The following GCLC variants were observed in gnomAD, a reference collection of about 807,000 sequenced individuals.
GCLC encodes glutamate-cysteine ligase catalytic subunit, also known as glutamate--cysteine ligase catalytic subunit.
A neutral mutation model predicts 81.5 loss-of-function variants in GCLC; 30 were observed. The observed-to-expected ratio is 0.37, with a 90% confidence interval of 0.28 to 0.50. GCLC has a LOEUF of 0.50. Ranked by LOEUF, GCLC falls within the 20% of genes least tolerant of loss-of-function variation. GCLC has a pLI of 0.96. For synonymous variants in GCLC, 262 were observed against 273.3 expected, an observed-to-expected ratio of 0.96 and a Z score of 0.41; for missense variants, 556 against 777.4, an observed-to-expected ratio of 0.72 and a Z score of 3.39.
chr6:53,514,966 A>G (rs1266671574), intron 4 of GCLC, among the ~76,000 whole-genome samples: 2 of 152,200 alleles, frequency 1.3e-5, no homozygotes, highest in African/African-American at 2.4e-5. Flanking sequence ...TGTTTAGTCC[A>G]GAAGCTACCA....
At chr6:53,511,214 CT>C (rs1445454236) in intron 6 of GCLC, among the ~76,000 whole-genome samples, 1 of 140,690 alleles carries the variant, frequency 7.1e-6, no homozygotes, top group East Asian at 2.0e-4. Context: ...GGGGGGGGTG[CT>C]AAAGAGGATG....
At chr6:53,500,655 C>T (rs142056893) in intron 12 of GCLC, 142 bp from the exon 13 acceptor site, 4 of 707,168 alleles carry the variant, frequency 5.7e-6, no homozygotes, top group East Asian at 2.6e-5. Context: ...GTGGGAGGAA[C>T]AGGCTTTTTA....
chr6:53,525,674 T>G (rs544875947), intron 1 of GCLC, among the ~76,000 whole-genome samples: 1 of 152,298 alleles, frequency 6.6e-6, no homozygotes, highest in African/African-American at 2.4e-5. Flanking sequence ...ACTTTACACA[T>G]ATATACAACT....
At chr6:53,523,046 C>T (rs960110350) in intron 1 of GCLC, among the ~76,000 whole-genome samples, 6 of 152,182 alleles carry the variant, frequency 3.9e-5, no homozygotes, top group Non-Finnish European at 4.4e-5. Context: ...ATAAATATAC[C>T]GTGTGGAGAA....
chr6:53,520,159 C>T (rs959397226), intron 3 of GCLC, among the ~76,000 whole-genome samples: 5 of 152,128 alleles, frequency 3.3e-5, no homozygotes, highest in African/African-American at 9.7e-5. Flanking sequence ...TCATTCTAAG[C>T]GAAGAACATA....
intron 2 of GCLC, 92 bp downstream of exon 2, chr6:53,522,323 A>T: frequency 1.3e-6 from 1 of 797,214 alleles, no homozygotes; most frequent in Admixed American, 1.8e-5. Flanking sequence ...CTTAACTGTT[A>T]GGCTATCCTG....
At chr6:53,538,428 G>T (rs1417771575) in intron 1 of GCLC, among the ~76,000 whole-genome samples, 1 of 151,440 alleles carries the variant, frequency 6.6e-6, no homozygotes, top group Non-Finnish European at 1.5e-5. Context: ...CCGGGTTCAC[G>T]CCATTCTCCT....
At chr6:53,514,550 AAAG>A (rs1561942797) in intron 4 of GCLC, 53 bp from the exon 5 acceptor site, 1 of 1,289,884 alleles carries the variant, frequency 7.8e-7, no homozygotes, top group South Asian at 1.2e-5. Context: ...TCATCGTGTA[AAAG>A]AAGAATTTGA....
In GCLC at chr6:53,500,253, A is replaced by G. The variant is rs1764482015; in HGVS notation, c.1575T>C (p.Asn525=). ...TACAGGGCCACCCTCCTACCTTCCC[A>G]TTGATGATGGTGTCTATGCTCATGA... ...YTLMSIDTII[N]GKEGVFPGLI... Residue 525 remains asparagine, a synonymous_variant, in exon 14 of 16, where the codon AAT becomes AAC. Transcript: ENST00000650454. 6.2e-7 allele frequency: 1 copy of G among 1,613,690 alleles called. No individual in the cohort carries two copies. Among genetic ancestry groups the G allele is most frequent in the Non-Finnish European group, 8.5e-7 (1 of 1,179,638 alleles).
chr6:53,518,396 G>A (rs1049151906), intron 3 of GCLC, among the ~76,000 whole-genome samples: 7 of 152,010 alleles, frequency 4.6e-5, no homozygotes, highest in South Asian at 2.1e-4. Context: ...GATTACAGGC[G>A]CATGCCACCA....
rs976872333 is a variant in GCLC, at chr6:53,544,386, C to T, written c.150+110G>A. On this transcript the variant is annotated intron_variant, in intron 1 of 15. Transcript: ENST00000650454. ...CGGGAGGCGCTCGAGGACCCCCGGG[C>T]GCAGTGGAGAACGCGGACCGCGATA... 65 of 1,138,706 alleles carry T rather than the reference C, an allele frequency of 5.7e-5. No homozygotes were observed. The African/African-American group carries it at 8.5e-4, about 15-fold the overall frequency. 70.5% of individuals were successfully genotyped at this position (1,138,706 alleles called of 1,614,324 possible).
At chr6:53,513,000 AGT>A (rs1234369303) in intron 6 of GCLC, 3 of 152,160 alleles carry the variant, frequency 2.0e-5, no homozygotes, top group Admixed American at 1.3e-4. Context: ...TTTTTCGTGA[AGT>A]GTGATGGTTT....
At chr6:53,525,873 T>G (rs1763072710) in intron 1 of GCLC, among the ~76,000 whole-genome samples, 1 of 152,216 alleles carries the variant, frequency 6.6e-6, no homozygotes, top group South Asian at 2.1e-4. Flanking sequence ...CCATCAGTTA[T>G]CCTTTTAATT....
chr6:53,543,989 G>A (rs1259702933), intron 1 of GCLC, among the ~76,000 whole-genome samples: 1 of 152,150 alleles, frequency 6.6e-6, no homozygotes, highest in Admixed American at 6.5e-5. Flanking sequence ...TGGAGGGGAG[G>A]GAAGATGAGA....
intron 8 of GCLC, among the ~76,000 whole-genome samples, chr6:53,507,947 T>C (rs1305537470): frequency 6.6e-6 from 1 of 152,196 alleles, no homozygotes; most frequent in Non-Finnish European, 1.5e-5. Flanking sequence ...TAATTATCCT[T>C]TAAAGTTTAT....
chr6:53,533,953 C>G (rs1344660111), intron 1 of GCLC, among the ~76,000 whole-genome samples: 1 of 152,122 alleles, frequency 6.6e-6, no homozygotes, highest in Non-Finnish European at 1.5e-5. Flanking sequence ...TGCCACAACT[C>G]TCAGCTAATT....
At position 53,544,479 on chromosome 6, in the gene GCLC, G is replaced by A. The variant is rs897287929; in HGVS notation, c.150+17C>T. ...AGACACGGGTGCCCGGCGGGGACGG[G>A]GACCGCGGGCGCTCACCTCATCGCC... On this transcript the variant is annotated intron_variant, in intron 1 of 15. Coordinates refer to ENST00000650454, the MANE Select transcript of GCLC (RefSeq NM_001498.4). 6.2e-7 allele frequency: 1 copy of A among 1,604,628 alleles called. No homozygotes were observed. The highest frequency in any genetic ancestry group is 1.1e-5 in the South Asian group (1 of 91,038).
intron 1 of GCLC, among the ~76,000 whole-genome samples, chr6:53,544,067 A>G (rs1392836145): frequency 2.0e-5 from 3 of 152,186 alleles, no homozygotes; most frequent in African/African-American, 7.2e-5. Flanking sequence ...TGAAGACCTG[A>G]TTTCTAAAAG....
intron 1 of GCLC, among the ~76,000 whole-genome samples, chr6:53,527,230 C>T (rs1171452193): frequency 6.6e-6 from 1 of 152,200 alleles, no homozygotes; most frequent in Non-Finnish European, 1.5e-5. Context: ...AGTATGCGTG[C>T]AGGGCAGGGT....
Sources: allele counts gnomAD v4.1 joint callset (sites outside exome capture counted in the v4.1 genomes callset), GRCh38; gene constraint gnomAD v4.1.1; transcripts MANE v1.5; gene names NCBI Gene and HGNC (gene_info 2026-07-23, HGNC 2026-07-21).